The following COX10 variants were observed in gnomAD, a reference collection of about 807,000 sequenced individuals.
COX10 encodes the protein cytochrome c oxidase assembly factor heme A:farnesyltransferase COX10, also known as protoheme IX farnesyltransferase, mitochondrial.
COX10 carries 27 observed loss-of-function variants against 37.3 expected under a neutral mutation model. The ratio of observed to expected loss-of-function variants is 0.72; its 90% CI spans 0.53 to 1.00. The LOEUF (loss-of-function observed/expected upper bound fraction) is 1.00, where lower values mean the gene tolerates loss of function less well. COX10 is among the 50% of genes least tolerant of loss of function. The pLI, the probability that COX10 is intolerant of heterozygous loss-of-function variation, is 0.00. For synonymous variants in COX10, 222 were observed against 229.1 expected (o/e 0.97, Z 0.28); for missense variants, 475 against 563.2 (o/e 0.84, Z 1.59).
chr17:14,205,452 G>C (rs1906668314), intron 6 of COX10, among the ~76,000 whole-genome samples: 1 of 152,210 alleles, frequency 6.6e-6, no homozygotes, highest in Admixed American at 6.5e-5. Context: ...AGAGTCACTA[G>C]TGTGGCTCTT....
chr17:14,083,092 CG>C (rs1005788999), intron 3 of COX10, among the ~76,000 whole-genome samples: 36 of 152,292 alleles, frequency 2.4e-4, no homozygotes, highest in African/African-American at 8.4e-4. Flanking sequence ...CAAAGCAAGA[CG>C]GATGCACCAC....
chr17:14,076,175 G>T (rs530773872), intron 2 of COX10, among the ~76,000 whole-genome samples: 3 of 140,272 alleles, frequency 2.1e-5, no homozygotes, highest in African/African-American at 8.2e-5. Context: ...GAGTACAACG[G>T]TGCAATCACA....
chr17:14,129,471 A>T (rs1174118180), intron 4 of COX10, among the ~76,000 whole-genome samples: 2 of 152,170 alleles, frequency 1.3e-5, no homozygotes, highest in East Asian at 3.8e-4. Context: ...ATTCTGTCTG[A>T]ATCAGTTAAA....
At position 14,207,186 on chromosome 17, in the gene COX10, C is replaced by T. The variant is rs199737206; in HGVS notation, c.1305C>T (p.Gly435=). Residue 435 remains glycine, a synonymous_variant, in exon 7 of 7, where the codon GGC becomes GGT. Coordinates refer to ENST00000261643, the MANE Select transcript of COX10 (RefSeq NM_001303.4). Reference sequence around the variant, plus strand: ...TCACCTGCAAGCGGCCGAGCGGAGGCGGGGACGCAGGGCCCCCTCCCAGCT... The same window carrying T: ...TCACCTGCAAGCGGCCGAGCGGAGGTGGGGACGCAGGGCCCCCTCCCAGCT... The part of the protein sequence containing the change: ...LMLTCKRPSG[G]GDAGPPPS The T allele has an allele frequency of 1.2e-5, 20 of 1,601,964 alleles. No individual in the cohort carries two copies. Among genetic ancestry groups the T allele is most frequent in the Middle Eastern group, 3.3e-4 (2 of 6,024 alleles).
chr17:14,199,854 C>T (rs1404510811), intron 6 of COX10, among the ~76,000 whole-genome samples: 1 of 152,176 alleles, frequency 6.6e-6, no homozygotes, highest in Non-Finnish European at 1.5e-5. Flanking sequence ...AAATCTGTGA[C>T]CATGAAGCTC....
chr17:14,166,028 AAAG>A (rs1905273128), intron 5 of COX10, among the ~76,000 whole-genome samples: 1 of 152,248 alleles, frequency 6.6e-6, no homozygotes, highest in African/African-American at 2.4e-5. Flanking sequence ...AGGTTTAAGA[AAAG>A]AAGCTGTCTT....
chr17:14,152,320 A>G (rs568531128), intron 4 of COX10, among the ~76,000 whole-genome samples: 3 of 152,334 alleles, frequency 2.0e-5, no homozygotes, highest in Non-Finnish European at 2.9e-5. Flanking sequence ...TACATGCAGC[A>G]GGTAAGAGAG....
At chr17:14,181,531 G>A (rs921903038) in intron 5 of COX10, among the ~76,000 whole-genome samples, 1 of 151,950 alleles carries the variant, frequency 6.6e-6, no homozygotes. Context: ...TTTATAAATT[G>A]TGTTTTATTT....
intron 4 of COX10, among the ~76,000 whole-genome samples, chr17:14,111,703 T>C (rs1041463502): frequency 1.1e-4 from 17 of 152,268 alleles, no homozygotes; most frequent in African/African-American, 4.1e-4. Context: ...TGATATTGCT[T>C]TTAGCAAAAG....
At chr17:14,181,585 G>C (rs1294985567) in intron 5 of COX10, among the ~76,000 whole-genome samples, 1 of 152,086 alleles carries the variant, frequency 6.6e-6, no homozygotes, top group Non-Finnish European at 1.5e-5. Context: ...CCTATTTGGT[G>C]CAGGTGAACA....
chr17:14,129,929 C>T (rs984743708), intron 4 of COX10, among the ~76,000 whole-genome samples: 2 of 152,160 alleles, frequency 1.3e-5, no homozygotes, highest in Non-Finnish European at 2.9e-5. Flanking sequence ...GGTCACAATA[C>T]TAAGAAATCC....
intron 5 of COX10, among the ~76,000 whole-genome samples, chr17:14,184,788 G>A (rs942845311): frequency 5.3e-5 from 8 of 151,748 alleles, no homozygotes; most frequent in African/African-American, 1.2e-4. Flanking sequence ...GGAGTGGAGC[G>A]GCTTATGTTG....
intron 2 of COX10, among the ~76,000 whole-genome samples, chr17:14,076,345 G>A (rs1915151296): frequency 6.6e-6 from 1 of 151,932 alleles, no homozygotes; most frequent in African/African-American, 2.4e-5. Flanking sequence ...AGGATCCTGG[G>A]ATTACAGTCA....
intron 6 of COX10, among the ~76,000 whole-genome samples, chr17:14,196,383 A>T (rs1195491706): frequency 6.6e-6 from 1 of 152,178 alleles, no homozygotes; most frequent in Non-Finnish European, 1.5e-5. Flanking sequence ...GTCCCAGATG[A>T]CTTTGGAGAA....
At chr17:14,069,683 A>G in intron 1 of COX10, 35 bp downstream of exon 1, 5 of 1,613,386 alleles carry the variant, frequency 3.1e-6, no homozygotes, top group Non-Finnish European at 4.2e-6. Flanking sequence ...CCTTGGGGGA[A>G]ATTCTTCTCT....
chr17:14,174,772 C>T (rs897637593), intron 5 of COX10, among the ~76,000 whole-genome samples: 1 of 151,360 alleles, frequency 6.6e-6, no homozygotes, highest in Non-Finnish European at 1.5e-5. Context: ...CATACAATCC[C>T]ATTCCTGTGT....
chr17:14,204,714 C>T (rs1273063599), intron 6 of COX10, among the ~76,000 whole-genome samples: 1 of 152,078 alleles, frequency 6.6e-6, no homozygotes, highest in Non-Finnish European at 1.5e-5. Flanking sequence ...CACATAGGTG[C>T]ACACACTCAC....
chr17:14,095,113 A>G (rs1915615388), intron 3 of COX10, among the ~76,000 whole-genome samples: 1 of 152,236 alleles, frequency 6.6e-6, no homozygotes, highest in Non-Finnish European at 1.5e-5. Context: ...TCGAACAGCT[A>G]GAGCTCTTCT....
intron 1 of COX10, among the ~76,000 whole-genome samples, chr17:14,071,958 A>C (rs545267886): frequency 6.6e-6 from 1 of 152,204 alleles, no homozygotes; most frequent in South Asian, 2.1e-4. Context: ...CTCCTTACCT[A>C]ATTTTAAACG....
Sources: allele counts gnomAD v4.1 joint callset (sites outside exome capture counted in the v4.1 genomes callset), GRCh38; gene constraint gnomAD v4.1.1; transcripts MANE v1.5; gene names NCBI Gene and HGNC (gene_info 2026-07-23, HGNC 2026-07-21).